WDR44: variants seen among roughly 807,000 people sequenced by gnomAD.
WDR44 encodes the protein WD repeat-containing protein 44.
WDR44 carries 9 observed loss-of-function variants against 65.7 expected under a neutral mutation model. The ratio of observed to expected loss-of-function variants is 0.14; its 90% confidence interval spans 0.08 to 0.24. The LOEUF (loss-of-function observed/expected upper bound fraction) is 0.24, where lower values mean the gene tolerates loss of function less well. WDR44 is among the 10% of genes least tolerant of loss of function. The probability of loss-of-function intolerance (pLI) is 1.00; values close to 1 mark genes in which losing one functional copy is unlikely to be tolerated. For synonymous variants in WDR44, 220 were observed against 235.2 expected (o/e 0.94, Z 0.59); for missense variants, 425 against 670.9 (o/e 0.63, Z 4.05).
intron 2 of WDR44, among the ~76,000 whole-genome samples, chrX:118,378,763 G>T (rs1355129854): frequency 2.0e-5 from 2 of 101,510 alleles, no homozygotes; most frequent in Non-Finnish European, 3.9e-5. Flanking sequence ...GCCAGGCATG[G>T]TGGCTCACAC....
chrX:118,434,461 G>T (rs1389151744), intron 13 of WDR44, among the ~76,000 whole-genome samples: 1 of 111,247 alleles, frequency 9.0e-6, no homozygotes, highest in Non-Finnish European at 1.9e-5. Context: ...TACAAAATGG[G>T]GCTTTTATTT....
At chrX:118,376,890 G>A (rs759497861) in intron 1 of WDR44, among the ~76,000 whole-genome samples, 2 of 110,440 alleles carry the variant, frequency 1.8e-5, no homozygotes, top group Non-Finnish European at 3.8e-5. Context: ...TGTAGTCCCA[G>A]TACTTGGGAG....
At chrX:118,407,321 C>T (rs752618336) in intron 10 of WDR44, among the ~76,000 whole-genome samples, 1 of 110,551 alleles carries the variant, frequency 9.0e-6, no homozygotes, top group Non-Finnish European at 1.9e-5. Context: ...ACCAACATGG[C>T]GAAACCCTGT....
At chrX:118,395,449 C>T (rs1372761219) in intron 6 of WDR44, 105 bp downstream of exon 6, 16 of 619,374 alleles carry the variant, frequency 2.6e-5, no homozygotes, top group Non-Finnish European at 4.0e-5. Flanking sequence ...GGTTGCATGA[C>T]AATGTGAATG....
At chrX:118,443,793 C>G in intron 18 of WDR44, 106 bp downstream of exon 18, 1 of 885,232 alleles carries the variant, frequency 1.1e-6, no homozygotes, top group Non-Finnish European at 1.5e-6. Flanking sequence ...GCCTGTAATC[C>G]CAGCACTTTG....
At chrX:118,353,695 G>A (rs1177266574) in intron 1 of WDR44, among the ~76,000 whole-genome samples, 4 of 112,442 alleles carry the variant, frequency 3.6e-5, no homozygotes, top group African/African-American at 1.3e-4. Flanking sequence ...GCATCCAATA[G>A]CCATCCCTTT....
intron 1 of WDR44, among the ~76,000 whole-genome samples, chrX:118,361,335 C>A (rs1294240642): frequency 8.9e-6 from 1 of 111,924 alleles, no homozygotes; most frequent in African/African-American, 3.2e-5. Context: ...AATAGAGAAA[C>A]ACCAAGCCCA....
At chrX:118,388,693 T>C (rs1178678673) in intron 3 of WDR44, among the ~76,000 whole-genome samples, 2 of 111,992 alleles carry the variant, frequency 1.8e-5, no homozygotes, top group Non-Finnish European at 3.8e-5. Flanking sequence ...GAACCATTTT[T>C]TTAAAAAAAT....
chrX:118,367,534 A>G lies in WDR44; in HGVS notation c.78-10885A>G, dbSNP rs755163712. Among the ~76,000 whole-genome samples the G allele has an allele frequency of 4.6e-4, 52 of 111,848 alleles. 1 individual carries two copies. The highest frequency in any genetic ancestry group is 1.6e-3 in the African/African-American group (48 of 30,807). On this transcript the variant is annotated intron_variant, in intron 1 of 19. Coordinates refer to ENST00000254029, the MANE Select transcript of WDR44 (RefSeq NM_019045.5). ...ACTGGCTACCTACCTATGTGAAACC[A>G]TAAGGGACATTAGACTTACTAGTGT...
At chrX:118,362,437 A>AT (rs2056519701) in intron 1 of WDR44, among the ~76,000 whole-genome samples, 1 of 111,757 alleles carries the variant, frequency 8.9e-6, no homozygotes, top group African/African-American at 3.3e-5. Context: ...ATATCTAGAG[A>AT]TTTTGTCAAT....
Position 118,393,219 on chromosome X carries a change from A to G in WDR44, c.774A>G (p.Arg258=). The G allele has an allele frequency of 8.3e-7, 1 of 1,200,506 alleles. No individual in the cohort carries two copies. Residue 258 remains arginine, a synonymous_variant, in exon 4 of 20, where the codon AGA becomes AGG. Transcript: ENST00000254029. The part of the protein sequence containing the change: ...PPPSRPAPPP[R]KRKSELEFET... ...CTTCTCGACCTGCTCCACCACCAAG[A>G]AAAAGGAAAAGCGAATTGGAATTTG...
chrX:118,443,579 G>A lies in WDR44; in HGVS notation c.2404G>A (p.Val802Ile), dbSNP rs761828789. 4.1e-6 allele frequency: 5 copies of A among 1,206,576 alleles called. No individual in the cohort carries two copies. The highest frequency in any genetic ancestry group is 5.9e-5 in the East Asian group (2 of 33,671). The change falls in exon 18 of 20, where the codon GTT becomes ATT. Residue 802 changes from valine to isoleucine, a missense_variant. Coordinates refer to ENST00000254029, the MANE Select transcript of WDR44 (RefSeq NM_019045.5). Reference sequence around the variant, plus strand: ...ATTCAGCCATGATTTTACTTACCTCGTTAGTGGTTCAGAAGATAAGTATGT... The same window carrying A: ...ATTCAGCCATGATTTTACTTACCTCATTAGTGGTTCAGAAGATAAGTATGT... ...ASFSHDFTYLVSGSEDKYVYI... is the reference protein window; with the variant it reads ...ASFSHDFTYLISGSEDKYVYI...
chrX:118,429,369 ACT>A (rs1403040657), intron 12 of WDR44, among the ~76,000 whole-genome samples: 2 of 110,436 alleles, frequency 1.8e-5, no homozygotes, highest in African/African-American at 6.6e-5. Context: ...CAGGTGGATC[ACT>A]TGAGATCAGG....
intron 12 of WDR44, among the ~76,000 whole-genome samples, chrX:118,431,673 T>A (rs976227535): frequency 8.9e-6 from 1 of 112,133 alleles, no homozygotes; most frequent in Admixed American, 9.5e-5. Flanking sequence ...ATATACTGTT[T>A]TCTCTGTCCT....
intron 1 of WDR44, among the ~76,000 whole-genome samples, chrX:118,366,610 A>G (rs2056554689): frequency 9.0e-6 from 1 of 111,179 alleles, no homozygotes. Context: ...TTTGATTGAT[A>G]TAAACCAAAC....
At chrX:118,365,469 T>C (rs1026422511) in intron 1 of WDR44, among the ~76,000 whole-genome samples, 5 of 108,410 alleles carry the variant, frequency 4.6e-5, no homozygotes, top group African/African-American at 1.4e-4. Context: ...ATCGTGCCAC[T>C]GCACTCCAGC....
At chrX:118,428,252 C>T (rs1228731801) in intron 12 of WDR44, among the ~76,000 whole-genome samples, 1 of 109,490 alleles carries the variant, frequency 9.1e-6, no homozygotes, top group Non-Finnish European at 1.9e-5. Context: ...TTCACCACTG[C>T]ACTCCAGCCT....
chrX:118,441,514 A>G lies in WDR44; in HGVS notation c.2121A>G (p.Ala707=). The change falls in exon 15 of 20, where the codon GCA becomes GCG. Residue 707 remains alanine (A), a synonymous_variant. Transcript: ENST00000254029. ...AANFCQNGKY[A]VIGTYDGRCI... is the part of the protein sequence containing the mutation. ...ATTTCTGTCAGAATGGCAAATATGC[A>G]GTGATTGGGACATATGATGGCAGAT... The G allele has an allele frequency of 8.3e-7, 1 of 1,211,194 alleles. No individual in the cohort carries two copies. Among genetic ancestry groups the G allele is most frequent in the Non-Finnish European group, 1.1e-6 (1 of 895,027 alleles).
intron 1 of WDR44, among the ~76,000 whole-genome samples, chrX:118,369,356 A>G (rs1280848539): frequency 9.3e-6 from 1 of 106,972 alleles, no homozygotes; most frequent in Non-Finnish European, 1.9e-5. Flanking sequence ...TGTTTTTGGT[A>G]GAGACGGGGT....
Sources: allele counts gnomAD v4.1 joint callset (sites outside exome capture counted in the v4.1 genomes callset), GRCh38; gene constraint gnomAD v4.1.1; transcripts MANE v1.5; gene names NCBI Gene and HGNC (gene_info 2026-07-23, HGNC 2026-07-21).